The following TAOK3 variants were observed in gnomAD, a reference collection of about 807,000 sequenced individuals.
TAOK3 encodes TAO kinase 3.
Under a neutral mutation model 120.4 loss-of-function variants are expected in TAOK3, and 40 were observed. That is an observed-to-expected ratio of 0.33 (90% CI 0.26 to 0.43). The LOEUF (loss-of-function observed/expected upper bound fraction) is 0.43. Among genes scored for constraint, TAOK3 ranks in the 20% least tolerant of loss-of-function variants. The probability of loss-of-function intolerance (pLI) is 1.00; values close to 1 mark genes in which losing one functional copy is unlikely to be tolerated. For missense variants in TAOK3, 821 were observed against 1,112.1 expected (o/e 0.74, Z 3.72); for synonymous variants, 355 against 387.5 (o/e 0.92, Z 0.99).
chr12:118,277,545 C>T (rs1353418156), intron 1 of TAOK3, among the ~76,000 whole-genome samples: 1 of 151,888 alleles, frequency 6.6e-6, no homozygotes, highest in Non-Finnish European at 1.5e-5. Context: ...ACTGCAACCT[C>T]TGCCTCCTGG....
At chr12:118,165,233 C>T (rs115370310) in intron 17 of TAOK3, among the ~76,000 whole-genome samples, 2,354 of 152,190 alleles carry the variant, frequency 0.015, 59 homozygotes, top group African/African-American at 0.054. Flanking sequence ...GGATGGAGAG[C>T]CCTTCCCACA....
At position 118,371,383 on chromosome 12, in the gene TAOK3, A is replaced by C. The variant is rs1244056495; in HGVS notation, c.-194+1265T>G. 6.6e-6 allele frequency among the ~76,000 whole-genome samples: 1 copy of C among 152,158 alleles called. No individual in the cohort carries two copies. Among genetic ancestry groups the C allele is most frequent in the East Asian group, 1.9e-4 (1 of 5,180 alleles). Reference sequence around the variant, plus strand: ...GACTCTAAGGAACGAATGCGAAGCCAGCGGGCCAGTGAGAAGAGGTCAGGC... The same window carrying C: ...GACTCTAAGGAACGAATGCGAAGCCCGCGGGCCAGTGAGAAGAGGTCAGGC... On this transcript the variant is annotated intron_variant, in intron 1 of 20. Coordinates refer to ENST00000392533, the MANE Select transcript of TAOK3 (RefSeq NM_016281.4). This position sits in a 1 kb window ranked among gnomAD's most constrained non-coding sequence, Gnocchi z 5.5.
chr12:118,354,006 C>G (rs2045290806), intron 1 of TAOK3, among the ~76,000 whole-genome samples: 1 of 152,066 alleles, frequency 6.6e-6, no homozygotes, highest in South Asian at 2.1e-4. Flanking sequence ...TTAATATTTT[C>G]AATACGTCAA....
At chr12:118,285,141 A>G (rs1233426527) in intron 1 of TAOK3, among the ~76,000 whole-genome samples, 1 of 151,994 alleles carries the variant, frequency 6.6e-6, no homozygotes, top group Non-Finnish European at 1.5e-5. Flanking sequence ...ATATCTATAT[A>G]TATAGATTCT....
At position 118,212,939 on chromosome 12, in the gene TAOK3, C is replaced by G; in HGVS notation, c.794G>C (p.Arg265Thr). ...CCTTAATAGTTCTGCTGATGTTGGC[C>G]TTTCCTGAGGTATTTTCTGCAAGCA... Reference protein sequence around the residue: ...DYCLQKIPQERPTSAELLRHD... With the variant: ...DYCLQKIPQETPTSAELLRHD... The change falls in exon 11 of 21, where the codon AGG becomes ACG. Residue 265 changes from arginine (R) to threonine (T), a missense_variant. Transcript: ENST00000392533. The G allele has an allele frequency of 6.2e-7, 1 of 1,612,936 alleles. No individual in the cohort carries two copies. The highest frequency in any genetic ancestry group is 8.5e-7 in the Non-Finnish European group (1 of 1,179,590).
intron 17 of TAOK3, among the ~76,000 whole-genome samples, chr12:118,168,957 TTTCCTTCCTTCCTTCC>T (rs150570843): frequency 0.32 from 46,697 of 147,600 alleles, 7,553 homozygotes; most frequent in South Asian, 0.37. Flanking sequence ...GCTTGCTTGC[TTTCCTTCCTTCCTTCC>T]TTCCTTCCTT....
At chr12:118,245,859 C>T (rs2040468039) in intron 3 of TAOK3, among the ~76,000 whole-genome samples, 1 of 152,114 alleles carries the variant, frequency 6.6e-6, no homozygotes, top group South Asian at 2.1e-4. Context: ...AACTGTCCAT[C>T]AATGGAGAAC....
intron 1 of TAOK3, among the ~76,000 whole-genome samples, chr12:118,311,024 CAGTGT>C (rs939244857): frequency 6.2e-4 from 93 of 150,960 alleles, no homozygotes; most frequent in African/African-American, 2.2e-3. Context: ...TATGACCCTA[CAGTGT>C]TTCATAGGTA....
intron 10 of TAOK3, among the ~76,000 whole-genome samples, chr12:118,213,290 T>C (rs1029032112): frequency 6.6e-6 from 1 of 152,146 alleles, no homozygotes; most frequent in Non-Finnish European, 1.5e-5. Context: ...AAAAGTTTTA[T>C]ATACATTTTT....
At chr12:118,171,438 C>A (rs997041488) in intron 17 of TAOK3, among the ~76,000 whole-genome samples, 7 of 152,222 alleles carry the variant, frequency 4.6e-5, no homozygotes, top group Non-Finnish European at 1.0e-4. Flanking sequence ...CTCACTGTAA[C>A]CTCTGCCTCC....
chr12:118,202,395 T>C (rs948389536), intron 11 of TAOK3, among the ~76,000 whole-genome samples: 5 of 152,110 alleles, frequency 3.3e-5, no homozygotes, highest in African/African-American at 9.7e-5. Flanking sequence ...AGGGGGATTA[T>C]TGGAACAAAT....
At chr12:118,245,069 G>A (rs1490176086) in intron 3 of TAOK3, 104 bp from the exon 4 acceptor site, 2 of 701,772 alleles carry the variant, frequency 2.8e-6, no homozygotes, top group African/African-American at 3.7e-5. Flanking sequence ...TTTATTTATT[G>A]ACAGTCTCAT....
chr12:118,314,857 T>C (rs1436553040), intron 1 of TAOK3, among the ~76,000 whole-genome samples: 1 of 152,260 alleles, frequency 6.6e-6, no homozygotes, highest in East Asian at 1.9e-4. Context: ...TTTAGCACTA[T>C]CTAGTGAAGT....
chr12:118,269,113 TTTTCTTTCTC>T (rs1401275777), intron 1 of TAOK3, among the ~76,000 whole-genome samples: 6 of 151,876 alleles, frequency 4.0e-5, no homozygotes, highest in African/African-American at 1.4e-4. Context: ...TAGAAAATAG[TTTTCTTTCTC>T]TTTCTTTCTT....
chr12:118,267,008 G>C (rs1314353467), intron 1 of TAOK3, among the ~76,000 whole-genome samples: 2 of 152,132 alleles, frequency 1.3e-5, no homozygotes, highest in African/African-American at 4.8e-5. Context: ...GCTTCCACTG[G>C]TTTGTTTGTG....
At chr12:118,334,741 T>C (rs1593589517) in intron 1 of TAOK3, among the ~76,000 whole-genome samples, 1 of 150,664 alleles carries the variant, frequency 6.6e-6, no homozygotes, top group South Asian at 2.1e-4. Context: ...CTGGGCGTGG[T>C]GGCACGAGCC....
intron 14 of TAOK3, among the ~76,000 whole-genome samples, chr12:118,186,205 C>T (rs953094614): frequency 1.3e-5 from 2 of 152,130 alleles, no homozygotes; most frequent in African/African-American, 4.8e-5. Flanking sequence ...TCCTACATGC[C>T]TCCTTGGGAA....
chr12:118,346,458 C>G (rs947103873), intron 1 of TAOK3, among the ~76,000 whole-genome samples: 2 of 152,144 alleles, frequency 1.3e-5, no homozygotes, highest in South Asian at 4.1e-4. Flanking sequence ...TAATAAATTT[C>G]TATTCTATAG....
chr12:118,228,546 C>T (rs2039617745), intron 9 of TAOK3, among the ~76,000 whole-genome samples: 2 of 152,166 alleles, frequency 1.3e-5, no homozygotes, highest in Admixed American at 6.6e-5. Flanking sequence ...TTTATTTGTT[C>T]ACCAAATATT....
Sources: gnomAD v4.1 joint callset for allele counts (sites outside exome capture counted in the v4.1 genomes callset) on GRCh38, gnomAD v4.1.1 for gene constraint, Gnocchi (gnomAD v3.1) non-coding constraint, MANE v1.5 for transcripts, NCBI Gene and HGNC (gene_info 2026-07-23, HGNC 2026-07-21) for gene names.